ZFAND3: variants seen among roughly 807,000 people sequenced by gnomAD.
ZFAND3 encodes the protein AN1-type zinc finger protein 3.
ZFAND3 carries 10 observed loss-of-function variants against 29.6 expected under a neutral mutation model. The observed-to-expected ratio is 0.34, with a 90% CI of 0.21 to 0.57. The LOEUF is 0.57. ZFAND3 is among the 20% of genes least tolerant of loss of function. The pLI is 0.86. For synonymous variants in ZFAND3, 128 were observed against 112.6 expected (o/e 1.14, Z -0.87); for missense variants, 230 against 304.5 (o/e 0.76, Z 1.82).
intron 2 of ZFAND3, among the ~76,000 whole-genome samples, chr6:37,978,104 C>G (rs6458036): frequency 6.6e-6 from 1 of 151,524 alleles, no homozygotes; most frequent in Non-Finnish European, 1.5e-5. Flanking sequence ...GGCTAATTTT[C>G]GTATTTTTAG....
chr6:37,914,762 A>G (rs1472872261), intron 1 of ZFAND3, among the ~76,000 whole-genome samples: 1 of 148,242 alleles, frequency 6.7e-6, no homozygotes, highest in African/African-American at 2.5e-5. Context: ...CGGCCTCCCA[A>G]AGTGCTGGGA....
At chr6:37,848,374 G>T (rs1006276005) in intron 1 of ZFAND3, among the ~76,000 whole-genome samples, 2 of 152,252 alleles carry the variant, frequency 1.3e-5, no homozygotes, top group East Asian at 3.8e-4. Flanking sequence ...GTAGGTGCCT[G>T]TCAGGCAGCG....
chr6:37,996,065 G>A (rs916774769), intron 2 of ZFAND3, among the ~76,000 whole-genome samples: 1 of 150,366 alleles, frequency 6.7e-6, no homozygotes, highest in Non-Finnish European at 1.5e-5. Context: ...GGAGGCGTAG[G>A]TTGCAGTGAG....
intron 1 of ZFAND3, among the ~76,000 whole-genome samples, chr6:37,828,709 C>T (rs2127366704): frequency 1.3e-5 from 2 of 151,518 alleles, no homozygotes; most frequent in South Asian, 2.1e-4. Context: ...AGTGCAGTGG[C>T]GCCATCTTGG....
chr6:37,895,761 T>G (rs766402037), intron 1 of ZFAND3, among the ~76,000 whole-genome samples: 6 of 152,180 alleles, frequency 3.9e-5, no homozygotes, highest in Non-Finnish European at 7.4e-5. Flanking sequence ...TGTATTCTTG[T>G]AAATATTCCT....
chr6:38,092,340 T>G (rs1764890049), intron 4 of ZFAND3, among the ~76,000 whole-genome samples: 1 of 152,214 alleles, frequency 6.6e-6, no homozygotes, highest in African/African-American at 2.4e-5. Context: ...GTGATAAATG[T>G]GTATCTTGCC....
chr6:38,142,289 T>A (rs914251284), intron 5 of ZFAND3: 8 of 471,454 alleles, frequency 1.7e-5, no homozygotes, highest in Non-Finnish European at 2.2e-5. Flanking sequence ...GTGTGGCATT[T>A]ATAGTCTGAT....
intron 4 of ZFAND3, among the ~76,000 whole-genome samples, chr6:38,114,662 G>C (rs1489613413): frequency 2.7e-5 from 4 of 150,784 alleles, no homozygotes; most frequent in African/African-American, 9.8e-5. Flanking sequence ...CATCACCATC[G>C]GGGTCCACTG....
At position 38,112,002 on chromosome 6, in the gene ZFAND3, A is replaced by G. The variant is rs188965097; in HGVS notation, c.362-4570A>G. On this transcript the variant is annotated intron_variant, in intron 4 of 5. Transcript: ENST00000287218. Reference sequence around the variant, plus strand: ...GATACCGAGAGACGGACTGTGCAGTACTTGTCTCTCTGTCGAAAATTAAGC... The same window carrying G: ...GATACCGAGAGACGGACTGTGCAGTGCTTGTCTCTCTGTCGAAAATTAAGC... Among the ~76,000 whole-genome samples the G allele has an allele frequency of 5.9e-5, 9 of 152,334 alleles. No individual in the cohort carries two copies. In the East Asian group the frequency reaches 1.7e-3, roughly 29 times the overall value.
chr6:38,089,285 A>G (rs988498875), intron 4 of ZFAND3, among the ~76,000 whole-genome samples: 1 of 150,924 alleles, frequency 6.6e-6, no homozygotes, highest in Non-Finnish European at 1.5e-5. Flanking sequence ...CTGCCACCAC[A>G]CCCGGCTAAT....
At chr6:37,843,844 A>G (rs1389796093) in intron 1 of ZFAND3, among the ~76,000 whole-genome samples, 1 of 151,458 alleles carries the variant, frequency 6.6e-6, no homozygotes, top group Non-Finnish European at 1.5e-5. Context: ...AAAAAAAAAA[A>G]GCTAATTTGA....
chr6:38,071,317 T>C (rs1764450375), intron 3 of ZFAND3, among the ~76,000 whole-genome samples: 1 of 152,110 alleles, frequency 6.6e-6, no homozygotes, highest in African/African-American at 2.4e-5. Context: ...AATATTTTTC[T>C]ATGTACATTT....
chr6:37,992,434 T>C (rs996704293), intron 2 of ZFAND3, among the ~76,000 whole-genome samples: 1 of 152,162 alleles, frequency 6.6e-6, no homozygotes, highest in Non-Finnish European at 1.5e-5. Context: ...GTTAAAACAC[T>C]AGAACAGTGA....
At chr6:38,069,337 C>CTG (rs1257325425) in intron 3 of ZFAND3, among the ~76,000 whole-genome samples, 1 of 152,078 alleles carries the variant, frequency 6.6e-6, no homozygotes, top group Non-Finnish European at 1.5e-5. Context: ...TTACAGTTCT[C>CTG]TGTGTGTGTG....
chr6:38,071,114 A>G (rs968231163), intron 3 of ZFAND3, among the ~76,000 whole-genome samples: 11 of 151,622 alleles, frequency 7.3e-5, no homozygotes, highest in Admixed American at 5.2e-4. Context: ...TTTGTTACAT[A>G]TATGTAAAAA....
chr6:37,995,791 A>G (rs1196363990), intron 2 of ZFAND3, among the ~76,000 whole-genome samples: 1 of 152,154 alleles, frequency 6.6e-6, no homozygotes, highest in East Asian at 1.9e-4. Context: ...AAAGGAAACT[A>G]TCAAATTATT....
chr6:38,104,813 C>G (rs1040626607), intron 4 of ZFAND3, among the ~76,000 whole-genome samples: 4 of 152,220 alleles, frequency 2.6e-5, no homozygotes, highest in African/African-American at 9.6e-5. Context: ...GCCCCAGGAT[C>G]TGTCCCCTGC....
At chr6:38,105,650 A>G (rs976169584) in intron 4 of ZFAND3, among the ~76,000 whole-genome samples, 2 of 152,196 alleles carry the variant, frequency 1.3e-5, no homozygotes, top group African/African-American at 4.8e-5. Flanking sequence ...TATCCATATC[A>G]GTATCTTGGT....
intron 1 of ZFAND3, among the ~76,000 whole-genome samples, chr6:37,872,119 C>G (rs1764705095): frequency 6.6e-6 from 1 of 152,190 alleles, no homozygotes; most frequent in Admixed American, 6.5e-5. Flanking sequence ...ACTCTGTCAT[C>G]TGGTTCTTCA....
Sources: allele counts gnomAD v4.1 joint callset (sites outside exome capture counted in the v4.1 genomes callset), GRCh38; gene constraint gnomAD v4.1.1; transcripts MANE v1.5; gene names NCBI Gene and HGNC (gene_info 2026-07-23, HGNC 2026-07-21).